Variants in SAR1A observed in about 807,000 individuals in gnomAD.
The protein encoded by SAR1A is secretion associated Ras related GTPase 1A.
Under a neutral mutation model 22.6 loss-of-function variants are expected in SAR1A, and 6 were observed. The ratio of observed to expected loss-of-function variants is 0.27; its 90% CI spans 0.15 to 0.52. The LOEUF (loss-of-function observed/expected upper bound fraction) is 0.52, where lower values mean the gene tolerates loss of function less well. Ranked by LOEUF, SAR1A falls within the 20% of genes least tolerant of loss-of-function variation. The pLI is 0.96. For missense variants in SAR1A, 145 were observed against 245.1 expected, an observed-to-expected ratio of 0.59 and a Z score of 2.73; for synonymous variants, 70 against 82.2, an observed-to-expected ratio of 0.85 and a Z score of 0.80.
Position 70,160,373 on chromosome 10 carries a change from A to G in SAR1A, c.244+631T>C, listed in dbSNP as rs1204221065. Among the ~76,000 whole-genome samples the G allele has an allele frequency of 2.6e-5, 4 of 152,172 alleles. No individual in the cohort carries two copies. In the East Asian group the frequency reaches 5.8e-4, roughly 22 times the overall value. The stretch of plus-strand genomic sequence containing the variant: ...TCATTAAAAACAAGCATTAATATGT[A>G]TTATATAAAGAAGAGGCACTAAAGT... On this transcript the variant is annotated intron_variant, in intron 4 of 6. Coordinates refer to ENST00000373241, the MANE Select transcript of SAR1A (RefSeq NM_020150.5).
At position 70,152,466 on chromosome 10, in the gene SAR1A, C is replaced by A. The variant is rs377618523; in HGVS notation, c.*10G>T. On this transcript the variant is annotated 3_prime_UTR_variant, in exon 7 of 7. Coordinates refer to ENST00000373241, the MANE Select transcript of SAR1A (RefSeq NM_020150.5). ...AGAAGTAAAACTCTTTTATTTTCAC[C>A]GTCCAAACATCAGTCAATATACTGG... is the stretch of plus-strand genomic sequence containing the variant. 4 of 1,582,674 alleles carry A rather than the reference C, an allele frequency of 2.5e-6. No individual in the cohort carries two copies. In the Admixed American group the frequency reaches 5.0e-5, roughly 20 times the overall value.
intron 4 of SAR1A, among the ~76,000 whole-genome samples, chr10:70,159,907 G>A (rs1839446243): frequency 6.6e-6 from 1 of 152,100 alleles, no homozygotes; most frequent in Non-Finnish European, 1.5e-5. Context: ...AGCCTGAGTA[G>A]GCAAAAAGCA....
At chr10:70,158,375 G>A (rs1037449054) in intron 4 of SAR1A, among the ~76,000 whole-genome samples, 3 of 152,156 alleles carry the variant, frequency 2.0e-5, no homozygotes, top group Admixed American at 6.5e-5. Context: ...GTGTGTAGGC[G>A]TCTTGACACA....
intron 5 of SAR1A, among the ~76,000 whole-genome samples, chr10:70,155,455 G>A (rs1839376078): frequency 6.6e-6 from 1 of 152,168 alleles, no homozygotes; most frequent in Admixed American, 6.5e-5. Flanking sequence ...TGGAATTCCA[G>A]GAAATGTTAC....
chr10:70,162,735 T>A (rs1266031829), intron 1 of SAR1A: 1 of 152,220 alleles, frequency 6.6e-6, no homozygotes, highest in Admixed American at 6.5e-5. Context: ...CTGGTTTTTT[T>A]ACAAATTGAA....
At chr10:70,169,999 T>G (rs920893716) in intron 1 of SAR1A, among the ~76,000 whole-genome samples, 3 of 152,194 alleles carry the variant, frequency 2.0e-5, no homozygotes, top group East Asian at 3.9e-4. Flanking sequence ...ACTCGCTAAC[T>G]GCGGAGCCTT....
At chr10:70,168,420 C>A (rs1474284924) in intron 1 of SAR1A, among the ~76,000 whole-genome samples, 2 of 151,998 alleles carry the variant, frequency 1.3e-5, no homozygotes, top group Non-Finnish European at 2.9e-5. Flanking sequence ...CATGGTGAAA[C>A]CCCATCTCTA....
intron 1 of SAR1A, among the ~76,000 whole-genome samples, chr10:70,164,670 T>C (rs1839522213): frequency 6.6e-6 from 1 of 152,232 alleles, no homozygotes; most frequent in Non-Finnish European, 1.5e-5. Context: ...AAAGAAAATG[T>C]GCTTATGGCA....
At chr10:70,156,142 T>G (rs1261752454) in intron 5 of SAR1A, among the ~76,000 whole-genome samples, 2 of 151,968 alleles carry the variant, frequency 1.3e-5, no homozygotes, top group Non-Finnish European at 1.5e-5. Flanking sequence ...TAGGCAGGAT[T>G]AGGTATGAGA....
At chr10:70,158,546 T>C (rs1564570033) in intron 4 of SAR1A, among the ~76,000 whole-genome samples, 1 of 152,202 alleles carries the variant, frequency 6.6e-6, no homozygotes, top group East Asian at 1.9e-4. Flanking sequence ...AGTGATTTAA[T>C]TGTACTATCA....
Position 70,161,725 on chromosome 10 carries a change from T to TGTA in SAR1A, c.71_72insTAC (p.Lys24delinsAsnThr). On this transcript the variant is annotated protein_altering_variant, in exon 3 of 7. Transcript: ENST00000373241. ...AACCTAAGAATACAAGTTTTCCAGA[T>TGTA]TTCTTGTACAGTCCTAAAAGAGAAA... is the stretch of plus-strand genomic sequence containing the variant. The TGTA allele has an allele frequency of 6.2e-7, 1 of 1,613,938 alleles. No homozygotes were observed. The highest frequency in any genetic ancestry group is 8.5e-7 in the Non-Finnish European group (1 of 1,180,020).
intron 5 of SAR1A, chr10:70,155,066 T>C (rs894083313): frequency 3.8e-6 from 2 of 522,180 alleles, no homozygotes; most frequent in Non-Finnish European, 3.9e-6. Context: ...ACAAAGTAAA[T>C]GGATGAGAAG....
At chr10:70,163,825 A>C in intron 1 of SAR1A, 1 of 1,492,262 alleles carries the variant, frequency 6.7e-7, no homozygotes, top group Non-Finnish European at 9.4e-7. Context: ...ACAGAAGCAG[A>C]GTTACAGGAC....
At chr10:70,169,602 T>C (rs1391178806) in intron 1 of SAR1A, among the ~76,000 whole-genome samples, 1 of 152,204 alleles carries the variant, frequency 6.6e-6, no homozygotes, top group East Asian at 1.9e-4. Flanking sequence ...CATTACTTGT[T>C]ATACATAATC....
intron 1 of SAR1A, among the ~76,000 whole-genome samples, chr10:70,162,441 A>AGG (rs1839484593): frequency 7.6e-6 from 1 of 131,180 alleles, no homozygotes; most frequent in African/African-American, 2.8e-5. Flanking sequence ...AGGAAAGGAA[A>AGG]AGAAAAGAAA....
At chr10:70,160,401 T>A (rs1012590632) in intron 4 of SAR1A, among the ~76,000 whole-genome samples, 4 of 152,096 alleles carry the variant, frequency 2.6e-5, no homozygotes, top group African/African-American at 9.7e-5. Flanking sequence ...ACTAAAGTAT[T>A]AAAGAGTAAA....
intron 1 of SAR1A, 86 bp from the exon 2 acceptor site, chr10:70,162,017 A>G: frequency 2.1e-6 from 2 of 940,172 alleles, no homozygotes; most frequent in South Asian, 2.8e-5. Flanking sequence ...CCTAGCCATG[A>G]TGCACATTTA....
intron 3 of SAR1A, 40 bp downstream of exon 3, chr10:70,161,579 C>T (rs1372629956): frequency 5.0e-6 from 8 of 1,610,084 alleles, no homozygotes; most frequent in Non-Finnish European, 6.8e-6. Context: ...TAACACTGAC[C>T]TTTAAAGATC....
chr10:70,153,516 A>G (rs954319453), intron 6 of SAR1A, among the ~76,000 whole-genome samples: 3 of 152,236 alleles, frequency 2.0e-5, no homozygotes, highest in Non-Finnish European at 4.4e-5. Context: ...CAGTCCAAAA[A>G]AAAAATTATT....
Sources: gnomAD v4.1 joint callset for allele counts (sites outside exome capture counted in the v4.1 genomes callset) on GRCh38, gnomAD v4.1.1 for gene constraint, MANE v1.5 for transcripts, NCBI Gene and HGNC (gene_info 2026-07-23, HGNC 2026-07-21) for gene names.